Variants in DNER observed in about 807,000 individuals in gnomAD.
DNER encodes delta and Notch-like epidermal growth factor-related receptor.
DNER carries 33 observed loss-of-function variants against 78.2 expected under a neutral mutation model. The observed-to-expected ratio is 0.42, with a 90% confidence interval of 0.32 to 0.56. The LOEUF is 0.56. Among genes scored for constraint, DNER ranks in the 20% least tolerant of loss-of-function variants. The pLI is 0.11. For missense variants in DNER, 918 were observed against 975.3 expected (o/e 0.94, Z 0.78); for synonymous variants, 417 against 384.8 (o/e 1.08, Z -0.98).
intron 11 of DNER, 50 bp from the exon 12 acceptor site, chr2:229,367,169 A>T (rs1692370135): frequency 6.2e-7 from 1 of 1,607,808 alleles, no homozygotes; most frequent in East Asian, 2.2e-5. Flanking sequence ...CACCTTTGAG[A>T]ATGAGAAGGC....
At chr2:229,370,258 G>A (rs1398032765) in intron 11 of DNER, among the ~76,000 whole-genome samples, 3 of 152,090 alleles carry the variant, frequency 2.0e-5, no homozygotes, top group African/African-American at 4.8e-5. Context: ...AATGACCCAC[G>A]TGCCCATCCT....
chr2:229,540,303 TG>T (rs1214997788), intron 5 of DNER, among the ~76,000 whole-genome samples: 1 of 150,546 alleles, frequency 6.6e-6, no homozygotes, highest in Non-Finnish European at 1.5e-5. Flanking sequence ...GATTTGAGGG[TG>T]GAACTGGGGG....
chr2:229,532,848 C>T (rs962434923), intron 5 of DNER, among the ~76,000 whole-genome samples: 2 of 152,196 alleles, frequency 1.3e-5, no homozygotes, highest in African/African-American at 4.8e-5. Flanking sequence ...AACCTGGCCC[C>T]CTGTGGGCTG....
intron 9 of DNER, among the ~76,000 whole-genome samples, chr2:229,408,999 C>T (rs576224722): frequency 6.6e-6 from 1 of 152,164 alleles, no homozygotes; most frequent in Admixed American, 6.5e-5. Flanking sequence ...TCTTAGTTTC[C>T]TCTGTCTCCA....
intron 10 of DNER, among the ~76,000 whole-genome samples, chr2:229,405,328 G>T (rs1693356985): frequency 6.6e-6 from 1 of 152,134 alleles, no homozygotes; most frequent in South Asian, 2.1e-4. Context: ...ATGTTTGTTT[G>T]TTTTTTCTCC....
At chr2:229,476,923 C>T (rs1273760580) in intron 7 of DNER, among the ~76,000 whole-genome samples, 1 of 151,626 alleles carries the variant, frequency 6.6e-6, no homozygotes, top group Non-Finnish European at 1.5e-5. Flanking sequence ...AATAAAATCA[C>T]AGAAAGTCCT....
At chr2:229,426,131 A>C (rs34351327) in intron 8 of DNER, among the ~76,000 whole-genome samples, 28 of 151,926 alleles carry the variant, frequency 1.8e-4, no homozygotes, top group African/African-American at 5.6e-4. Context: ...CAAATATTCC[A>C]CCTCACCCAT....
At chr2:229,660,367 C>T (rs111623066) in intron 1 of DNER, among the ~76,000 whole-genome samples, 6,876 of 152,100 alleles carry the variant, frequency 0.045, 333 homozygotes, top group African/African-American at 0.1. Context: ...AGTGAGAACA[C>T]GTGGTATTTG....
At chr2:229,386,802 C>T (rs867828326) in intron 11 of DNER, among the ~76,000 whole-genome samples, 4 of 151,680 alleles carry the variant, frequency 2.6e-5, no homozygotes, top group African/African-American at 7.3e-5. Context: ...GTTAGAATGG[C>T]GATTATTAAA....
At chr2:229,539,023 A>G (rs1385284099) in intron 5 of DNER, among the ~76,000 whole-genome samples, 4 of 152,204 alleles carry the variant, frequency 2.6e-5, no homozygotes, top group African/African-American at 9.7e-5. Context: ...CTCACCACAC[A>G]CTGAACAGAA....
At chr2:229,369,624 T>TG (rs1414529347) in intron 11 of DNER, among the ~76,000 whole-genome samples, 1 of 152,154 alleles carries the variant, frequency 6.6e-6, no homozygotes, top group Non-Finnish European at 1.5e-5. Flanking sequence ...GCACATGCTC[T>TG]GAGCTGAGGA....
intron 11 of DNER, among the ~76,000 whole-genome samples, chr2:229,376,604 G>A (rs1472068040): frequency 6.6e-6 from 1 of 152,222 alleles, no homozygotes; most frequent in African/African-American, 2.4e-5. Context: ...GAAATACCAT[G>A]TGACATTTTA....
intron 7 of DNER, among the ~76,000 whole-genome samples, chr2:229,470,175 A>T (rs6723327): frequency 6.6e-6 from 1 of 151,436 alleles, no homozygotes; most frequent in Admixed American, 6.6e-5. Context: ...ATCTTGACAC[A>T]CACCTTTAGA....
At chr2:229,493,126 A>C (rs138131228) in intron 6 of DNER, among the ~76,000 whole-genome samples, 1 of 152,312 alleles carries the variant, frequency 6.6e-6, no homozygotes, top group African/African-American at 2.4e-5. Context: ...AGGCACTGAC[A>C]CTTAGTCAGT....
chr2:229,656,462 G>A (rs1379153700), intron 1 of DNER, among the ~76,000 whole-genome samples: 1 of 152,162 alleles, frequency 6.6e-6, no homozygotes, highest in East Asian at 1.9e-4. Context: ...CACATGGTGA[G>A]ATTCATTCCC....
chr2:229,384,987 T>C (rs939155000), intron 11 of DNER, among the ~76,000 whole-genome samples: 2 of 150,708 alleles, frequency 1.3e-5, no homozygotes, highest in Non-Finnish European at 2.9e-5. Flanking sequence ...AGATCCCTGA[T>C]AAACATTGAT....
chr2:229,446,282 A>T (rs1172378090), intron 8 of DNER, among the ~76,000 whole-genome samples: 1 of 152,222 alleles, frequency 6.6e-6, no homozygotes, highest in Admixed American at 6.5e-5. Context: ...AATAAAACAC[A>T]GTTCCTCCCA....
intron 1 of DNER, among the ~76,000 whole-genome samples, chr2:229,622,514 T>G (rs756607302): frequency 9.2e-5 from 14 of 152,122 alleles, no homozygotes; most frequent in Non-Finnish European, 1.9e-4. Flanking sequence ...TCAGCCTGAG[T>G]CAGCACGGGA....
At chr2:229,561,271 C>A (rs954342279) in intron 4 of DNER, among the ~76,000 whole-genome samples, 1 of 152,202 alleles carries the variant, frequency 6.6e-6, no homozygotes, top group East Asian at 1.9e-4. Flanking sequence ...TAGATTATAC[C>A]TAGCCAAATG....
Sources: allele counts gnomAD v4.1 joint callset (sites outside exome capture counted in the v4.1 genomes callset), GRCh38; gene constraint gnomAD v4.1.1; transcripts MANE v1.5; gene names NCBI Gene and HGNC (gene_info 2026-07-23, HGNC 2026-07-21).